The following TRPC6 variants were observed in gnomAD, a reference collection of about 807,000 sequenced individuals.
The protein encoded by TRPC6 is transient receptor potential cation channel subfamily C member 6.
Under a neutral mutation model 90.7 loss-of-function variants are expected in TRPC6, and 55 were observed. The ratio of observed to expected loss-of-function variants is 0.61; its 90% CI spans 0.49 to 0.76. TRPC6 has a LOEUF of 0.76. TRPC6 is among the 30% of genes least tolerant of loss of function. The pLI is 0.00. For missense variants in TRPC6, 989 were observed against 1,122.7 expected, an observed-to-expected ratio of 0.88 and a Z score of 1.70; for synonymous variants, 393 against 393.0, an observed-to-expected ratio of 1.00 and a Z score of 0.00.
At chr11:101,467,029 C>A (rs1859163873) in intron 10 of TRPC6, among the ~76,000 whole-genome samples, 1 of 152,168 alleles carries the variant, frequency 6.6e-6, no homozygotes, top group South Asian at 2.1e-4. Context: ...CCTTCTGTGG[C>A]CTGCACCCAC....
At chr11:101,507,473 T>A (rs1860301885) in intron 1 of TRPC6, among the ~76,000 whole-genome samples, 1 of 152,060 alleles carries the variant, frequency 6.6e-6, no homozygotes, top group Admixed American at 6.5e-5. Context: ...GTTTTCTGTA[T>A]CCCAGATCTT....
intron 1 of TRPC6, among the ~76,000 whole-genome samples, chr11:101,546,053 T>TATCCTCAGACTCATGTGATGAGA (rs1565237486): frequency 9.3e-5 from 3 of 32,160 alleles, no homozygotes; most frequent in African/African-American, 1.2e-4. Context: ...TATAACTCTT[T>TATCCTCAGACTCATGTGATGAGA]TTTTTTTTTT....
intron 1 of TRPC6, among the ~76,000 whole-genome samples, chr11:101,548,006 G>A (rs543055020): frequency 1.3e-5 from 2 of 152,122 alleles, no homozygotes; most frequent in South Asian, 2.1e-4. Flanking sequence ...GTATCCAGGA[G>A]ATGCCAACTA....
intron 3 of TRPC6, among the ~76,000 whole-genome samples, chr11:101,490,096 C>T (rs1029265643): frequency 1.4e-4 from 22 of 151,894 alleles, no homozygotes; most frequent in Middle Eastern, 3.2e-3. Flanking sequence ...TTTTTGTTTA[C>T]GAGTAAAAGT....
intron 7 of TRPC6, among the ~76,000 whole-genome samples, chr11:101,473,098 CCCAGG>C (rs1859331085): frequency 1.3e-5 from 2 of 151,954 alleles, no homozygotes; most frequent in Admixed American, 1.3e-4. Context: ...AGTTAGCATC[CCCAGG>C]AGTGAGTCCC....
At chr11:101,535,217 A>C in intron 1 of TRPC6, among the ~76,000 whole-genome samples, 1 of 97,364 alleles carries the variant, frequency 1.0e-5, no homozygotes. Flanking sequence ...GAAGGAAGGA[A>C]GGAAGGAAGG....
rs931599881 is a variant in TRPC6 at position 101,504,495 on chromosome 11, G to C, written c.474C>G (p.Leu158=). The C allele has an allele frequency of 6.2e-7, 1 of 1,613,984 alleles. No individual in the cohort carries two copies. Among genetic ancestry groups the C allele is most frequent in the Non-Finnish European group, 8.5e-7 (1 of 1,180,012 alleles). Residue 158 remains leucine (L), a synonymous_variant, in exon 2 of 13, where the codon CTC becomes CTG. Coordinates refer to ENST00000344327, the MANE Select transcript of TRPC6 (RefSeq NM_004621.6). ...ITELLLKKEN[L]SRVGDALLLA... ...GAAGCAAAGCATCCCCAACTCGAGA[G>C]AGGTTTTCTTTCTTGAGAAGAAGTT... is the stretch of plus-strand genomic sequence containing the variant.
At chr11:101,482,301 T>A (rs1324077570) in intron 5 of TRPC6, among the ~76,000 whole-genome samples, 1 of 152,232 alleles carries the variant, frequency 6.6e-6, no homozygotes, top group African/African-American at 2.4e-5. Flanking sequence ...AATTGAAGTA[T>A]CTTTATTGTT....
chr11:101,543,109 A>G (rs1861214805), intron 1 of TRPC6, among the ~76,000 whole-genome samples: 2 of 152,324 alleles, frequency 1.3e-5, no homozygotes, highest in South Asian at 4.1e-4. Context: ...ACAAAGGGCA[A>G]GAAATGAAAA....
chr11:101,471,128 G>A, intron 9 of TRPC6, 55 bp downstream of exon 9: 1 of 1,563,324 alleles, frequency 6.4e-7, no homozygotes, highest in Non-Finnish European at 8.8e-7. Flanking sequence ...TGGCATAGTG[G>A]TTACAGTAGT....
Position 101,581,498 on chromosome 11 carries a change from T to A in TRPC6, c.170+1836A>T, listed in dbSNP as rs534163635. Among the ~76,000 whole-genome samples, 162 of 152,220 alleles carry A rather than the reference T, an allele frequency of 1.1e-3. 2 individuals carry two copies. Among genetic ancestry groups the A allele is most frequent in the Non-Finnish European group, 6.6e-4 (45 of 67,992 alleles). On this transcript the variant is annotated intron_variant, in intron 1 of 12. Transcript: ENST00000344327. ...ACAAGTGATTATATGGATTACAGAA[T>A]GAAAAAAGGTTTTGTTCATGGAACA...
chr11:101,502,026 C>CT (rs1860140062), intron 2 of TRPC6, among the ~76,000 whole-genome samples: 1 of 152,138 alleles, frequency 6.6e-6, no homozygotes. Flanking sequence ...TCCAGAGGCT[C>CT]TAGGTAACTG....
At chr11:101,550,821 A>G (rs1388115327) in intron 1 of TRPC6, among the ~76,000 whole-genome samples, 1 of 151,704 alleles carries the variant, frequency 6.6e-6, no homozygotes, top group Admixed American at 6.6e-5. Context: ...ATATTTATAT[A>G]TTTCATTTTT....
At chr11:101,454,942 C>T in intron 11 of TRPC6, 76 bp downstream of exon 11, 1 of 1,149,776 alleles carries the variant, frequency 8.7e-7, no homozygotes, top group Non-Finnish European at 1.3e-6. Context: ...TATCCTGATA[C>T]TTTAAAGAAT....
intron 1 of TRPC6, among the ~76,000 whole-genome samples, chr11:101,515,578 T>A (rs17742220): frequency 0.1 from 15,331 of 150,154 alleles, 886 homozygotes; most frequent in East Asian, 0.17. Context: ...GAAAAACGAA[T>A]GGAGAGCACC....
At chr11:101,518,402 T>C (rs749921190) in intron 1 of TRPC6, among the ~76,000 whole-genome samples, 2 of 152,142 alleles carry the variant, frequency 1.3e-5, no homozygotes, top group Non-Finnish European at 2.9e-5. Context: ...TAGAAATTTC[T>C]CAAAAGAAGA....
chr11:101,457,844 C>G (rs1234020276), intron 10 of TRPC6, among the ~76,000 whole-genome samples: 1 of 152,130 alleles, frequency 6.6e-6, no homozygotes, highest in African/African-American at 2.4e-5. Context: ...ACTGGACATT[C>G]TATAATTGTC....
intron 1 of TRPC6, among the ~76,000 whole-genome samples, chr11:101,562,717 T>C (rs541931971): frequency 6.6e-6 from 1 of 152,258 alleles, no homozygotes; most frequent in East Asian, 1.9e-4. Flanking sequence ...TGAAAGTAAG[T>C]ATAAAAAATA....
At chr11:101,530,852 T>TA (rs1207745645) in intron 1 of TRPC6, among the ~76,000 whole-genome samples, 1 of 151,992 alleles carries the variant, frequency 6.6e-6, no homozygotes, top group East Asian at 1.9e-4. Context: ...ATAGAAATCA[T>TA]AAAAAAGAAC....
Sources: allele counts gnomAD v4.1 joint callset (sites outside exome capture counted in the v4.1 genomes callset), GRCh38; gene constraint gnomAD v4.1.1; transcripts MANE v1.5; gene names NCBI Gene and HGNC (gene_info 2026-07-23, HGNC 2026-07-21).